Variants in ROS1 observed in about 807,000 individuals in gnomAD.
ROS1 encodes proto-oncogene tyrosine-protein kinase ROS.
ROS1 carries 263 observed loss-of-function variants against 273.5 expected under a neutral mutation model. The ratio of observed to expected loss-of-function variants is 0.96; its 90% confidence interval spans 0.87 to 1.06. The LOEUF is 1.06. ROS1 is among the 50% of genes least tolerant of loss of function. The pLI, the probability that ROS1 is intolerant of heterozygous loss-of-function variation, is 0.00. For synonymous variants in ROS1, 1,008 were observed against 954.1 expected (o/e 1.06, Z -1.04); for missense variants, 2,833 against 2,751.1 (o/e 1.03, Z -0.67).
intron 39 of ROS1, among the ~76,000 whole-genome samples, chr6:117,313,219 A>G (rs1365803877): frequency 6.6e-6 from 1 of 152,076 alleles, no homozygotes; most frequent in Non-Finnish European, 1.5e-5. Context: ...TATTACTTTG[A>G]CAGTTTTTTG....
intron 12 of ROS1, among the ~76,000 whole-genome samples, chr6:117,392,295 T>G (rs1773130420): frequency 6.6e-6 from 1 of 152,150 alleles, no homozygotes; most frequent in South Asian, 2.1e-4. Context: ...AAATCTATAA[T>G]GAACAATCTT....
intron 42 of ROS1, among the ~76,000 whole-genome samples, chr6:117,302,517 T>C (rs1373645343): frequency 6.6e-6 from 1 of 152,194 alleles, no homozygotes; most frequent in Non-Finnish European, 1.5e-5. Flanking sequence ...TATTTACCTA[T>C]TCTTTTGACG....
chr6:117,420,961 C>T (rs186995749), intron 1 of ROS1, among the ~76,000 whole-genome samples: 151 of 151,764 alleles, frequency 9.9e-4, no homozygotes, highest in Non-Finnish European at 1.5e-3. Context: ...GATTTAATAA[C>T]GCATTCTTTT....
intron 18 of ROS1, among the ~76,000 whole-genome samples, chr6:117,374,254 T>A (rs1043967789): frequency 6.6e-6 from 1 of 152,188 alleles, no homozygotes; most frequent in Non-Finnish European, 1.5e-5. Context: ...TATAAGGCTA[T>A]AGTCACCAAA....
chr6:117,425,790 A>G lies in ROS1; in HGVS notation c.-134T>C. On this transcript the variant is annotated 5_prime_UTR_variant, in exon 1 of 44. Transcript: ENST00000368507. ...GCTTTGTTTGTTTTGCTATATTAGG[A>G]TATACTTGCCTTTTGAAATAATACT... 2 of 905,764 alleles carry G rather than the reference A, an allele frequency of 2.2e-6. No homozygotes were observed. The highest frequency in any genetic ancestry group is 3.0e-5 in the South Asian group (2 of 67,226). 56.1% of individuals were successfully genotyped at this position (905,764 alleles called of 1,614,324 possible).
chr6:117,388,168 CAT>C, intron 13 of ROS1, 176 bp from the exon 14 acceptor site: 1 of 955,322 alleles, frequency 1.0e-6, no homozygotes, highest in Non-Finnish European at 1.5e-6. Flanking sequence ...GGACAGTGTT[CAT>C]TCCTCATGCC....
intron 3 of ROS1, among the ~76,000 whole-genome samples, chr6:117,415,111 A>C (rs1296161492): frequency 6.6e-6 from 1 of 152,234 alleles, no homozygotes; most frequent in Non-Finnish European, 1.5e-5. Context: ...CACAGCTTAC[A>C]TGTTGGGATA....
Position 117,394,355 on chromosome 6 carries a change from G to C in ROS1, c.1007-9C>G. 1.9e-6 allele frequency: 3 copies of C among 1,587,058 alleles called. No homozygotes were observed. The highest frequency in any genetic ancestry group is 2.6e-6 in the Non-Finnish European group (3 of 1,173,418). ...GACATCAACAGATATTCCTAGAAGA[G>C]CCATGCAAGTGCACACACATTATTA... On this transcript the variant is annotated splice_polypyrimidine_tract_variant and intron_variant, in intron 10 of 43. Coordinates refer to ENST00000368507, the MANE Select transcript of ROS1 (RefSeq NM_001378902.1).
chr6:117,413,725 T>C (rs145133207), intron 4 of ROS1, among the ~76,000 whole-genome samples: 2,515 of 152,256 alleles, frequency 0.017, 57 homozygotes, highest in African/African-American at 0.057. Context: ...CTCATGCCTG[T>C]AATCCCAGCA....
intron 18 of ROS1, among the ~76,000 whole-genome samples, chr6:117,376,543 A>G (rs915908452): frequency 6.6e-6 from 1 of 152,170 alleles, no homozygotes; most frequent in African/African-American, 2.4e-5. Flanking sequence ...GAAATCTACT[A>G]GGACATATAA....
intron 28 of ROS1, 30 bp from the exon 29 acceptor site, chr6:117,342,574 T>G: frequency 2.2e-6 from 3 of 1,341,888 alleles, no homozygotes; most frequent in Non-Finnish European, 3.1e-6. Context: ...AATCAACATC[T>G]TATTTTTAAC....
chr6:117,328,749 CG>C (rs1472413811), intron 33 of ROS1: 1 of 613,806 alleles, frequency 1.6e-6, no homozygotes, highest in Non-Finnish European at 3.2e-6. Flanking sequence ...ACGTGCTCCC[CG>C]TACTGGCCAG....
intron 39 of ROS1, among the ~76,000 whole-genome samples, chr6:117,312,855 T>C (rs3777960): frequency 0.26 from 40,197 of 151,890 alleles, 5,681 homozygotes; most frequent in African/African-American, 0.36. Flanking sequence ...GTCAAAGCCT[T>C]TCATAACTCA....
intron 32 of ROS1, among the ~76,000 whole-genome samples, chr6:117,330,775 GACA>G (rs963574913): frequency 2.0e-5 from 3 of 151,944 alleles, no homozygotes; most frequent in Non-Finnish European, 2.9e-5. Flanking sequence ...AGCAGAAAGT[GACA>G]ACAACAGCAT....
At chr6:117,310,384 T>TC in intron 40 of ROS1, 103 bp from the exon 41 acceptor site, 3 of 820,176 alleles carry the variant, frequency 3.7e-6, no homozygotes, top group Non-Finnish European at 5.5e-6. Context: ...GAAACTATTT[T>TC]TTTTTTTTTT....
At chr6:117,325,284 C>A (rs1776554046) in intron 34 of ROS1, among the ~76,000 whole-genome samples, 1 of 152,026 alleles carries the variant, frequency 6.6e-6, no homozygotes. Context: ...TTTCAATTGG[C>A]AGAAAATAAA....
chr6:117,301,459 G>A (rs1221655293), intron 42 of ROS1: 1 of 195,942 alleles, frequency 5.1e-6, no homozygotes, highest in Non-Finnish European at 1.0e-5. Context: ...CTGTGAGGGT[G>A]ATCTGGCTTC....
At position 117,402,888 on chromosome 6, in the gene ROS1, C is replaced by CA. The variant is rs10617636; in HGVS notation, c.604+250dup. Reference sequence around the variant, plus strand: ...GGGCAACAGAGCAAGACTCTGTCTCCAAAAAAAAAAAAAAAAAGAAAAGAA... The same window carrying CA: ...GGGCAACAGAGCAAGACTCTGTCTCCAAAAAAAAAAAAAAAAAAGAAAAGAA... On this transcript the variant is annotated intron_variant, in intron 7 of 43. Coordinates refer to ENST00000368507, the MANE Select transcript of ROS1 (RefSeq NM_001378902.1). Among the ~76,000 whole-genome samples, 395 of 113,772 alleles carry CA rather than the reference C, an allele frequency of 3.5e-3. 3 individuals carry two copies. The highest frequency in any genetic ancestry group is 6.0e-3 in the Admixed American group (62 of 10,256). The allele number at this position is 113,772 out of a possible 152,430, so 74.6% of individuals were successfully genotyped here. A position where few individuals can be genotyped will look rare whatever the true frequency, so the allele number is the denominator to read the frequency against.
chr6:117,303,139 C>T (rs1774859476), intron 42 of ROS1, among the ~76,000 whole-genome samples: 1 of 152,116 alleles, frequency 6.6e-6, no homozygotes, highest in Non-Finnish European at 1.5e-5. Flanking sequence ...GGTTTTCAAG[C>T]CTACTGACTT....
Sources: gnomAD v4.1 joint callset for allele counts (sites outside exome capture counted in the v4.1 genomes callset) on GRCh38, gnomAD v4.1.1 for gene constraint, MANE v1.5 for transcripts, NCBI Gene and HGNC (gene_info 2026-07-23, HGNC 2026-07-21) for gene names.